The following GRM1 variants were observed in gnomAD, a reference collection of about 807,000 sequenced individuals.
GRM1 encodes the protein glutamate metabotropic receptor 1.
A neutral mutation model predicts 90.9 loss-of-function variants in GRM1; 33 were observed. That is an observed-to-expected ratio of 0.36 (90% CI 0.28 to 0.49). The LOEUF is 0.49. Among genes scored for constraint, GRM1 ranks in the 20% least tolerant of loss-of-function variants. The probability of loss-of-function intolerance (pLI) is 0.99; values close to 1 mark genes in which losing one functional copy is unlikely to be tolerated. For missense variants in GRM1, 1,190 were observed against 1,534.3 expected, an observed-to-expected ratio of 0.78 and a Z score of 3.75; for synonymous variants, 700 against 613.2, an observed-to-expected ratio of 1.14 and a Z score of -2.09.
chr6:146,193,687 T>C (rs1172941528), intron 2 of GRM1, among the ~76,000 whole-genome samples: 1 of 152,194 alleles, frequency 6.6e-6, no homozygotes, highest in Non-Finnish European at 1.5e-5. Context: ...TTTTTTGTTC[T>C]TACCTTTTTT....
At chr6:146,217,864 T>C (rs992189329) in intron 2 of GRM1, among the ~76,000 whole-genome samples, 1 of 152,180 alleles carries the variant, frequency 6.6e-6, no homozygotes, top group African/African-American at 2.4e-5. Context: ...CTTTAGAGGC[T>C]TATCTTGAAG....
At chr6:146,171,753 A>G in intron 2 of GRM1, 1 of 287,210 alleles carries the variant, frequency 3.5e-6, no homozygotes, top group Non-Finnish European at 7.3e-6. Flanking sequence ...ACTAAGGTCA[A>G]GAGCAAAGCT....
In GRM1 at chr6:146,433,878, T is replaced by C. The variant is rs1300963409; in HGVS notation, c.2667T>C (p.Asn889=). The change falls in exon 8 of 8, where the codon AAT becomes AAC. Residue 889 remains asparagine (N), a synonymous_variant. Transcript: ENST00000282753. ...KKAGAGNANS[N]GKSVSWSEPG... is the part of the protein sequence containing the mutation. ...ATCTCTATTTTATTCATAGTTCTAA[T>C]GGCAAGTCTGTGTCATGGTCTGAAC... 1.9e-6 allele frequency: 3 copies of C among 1,606,444 alleles called. No homozygotes were observed. Among genetic ancestry groups the C allele is most frequent in the Non-Finnish European group, 2.6e-6 (3 of 1,173,084 alleles).
At chr6:146,405,351 A>T (rs1777308646) in intron 7 of GRM1, among the ~76,000 whole-genome samples, 1 of 152,220 alleles carries the variant, frequency 6.6e-6, no homozygotes, top group Non-Finnish European at 1.5e-5. Flanking sequence ...CACTTAAGAG[A>T]TAACATAAGG....
chr6:146,039,642 AT>A (rs1184680515), intron 1 of GRM1, among the ~76,000 whole-genome samples: 2 of 152,022 alleles, frequency 1.3e-5, no homozygotes, highest in African/African-American at 2.4e-5. Context: ...TCTGAAGGCC[AT>A]TGATGGTTGA....
chr6:146,090,060 CTTTG>C (rs1375971256), intron 1 of GRM1, among the ~76,000 whole-genome samples: 3 of 151,968 alleles, frequency 2.0e-5, no homozygotes, highest in Admixed American at 6.6e-5. Context: ...TTTCTGTTGA[CTTTG>C]TTTATGAAAA....
At chr6:146,075,789 G>A (rs1291706002) in intron 1 of GRM1, among the ~76,000 whole-genome samples, 1 of 152,116 alleles carries the variant, frequency 6.6e-6, no homozygotes. Flanking sequence ...ACATTCCTTG[G>A]CTTGTAGCTG....
intron 1 of GRM1, among the ~76,000 whole-genome samples, chr6:146,087,600 C>T (rs573206635): frequency 6.6e-6 from 1 of 152,290 alleles, no homozygotes; most frequent in South Asian, 2.1e-4. Context: ...ACTCTCCACG[C>T]TTACCTCATC....
intron 3 of GRM1, among the ~76,000 whole-genome samples, chr6:146,328,571 T>G (rs1369739953): frequency 6.6e-6 from 1 of 152,218 alleles, no homozygotes; most frequent in Non-Finnish European, 1.5e-5. Context: ...ATCTTAACTA[T>G]ACTCTTTACC....
At chr6:146,034,284 T>C (rs1376467762) in intron 1 of GRM1, among the ~76,000 whole-genome samples, 1 of 152,058 alleles carries the variant, frequency 6.6e-6, no homozygotes, top group Non-Finnish European at 1.5e-5. Context: ...TTCTTTTCCA[T>C]GTGACATTTA....
intron 1 of GRM1, among the ~76,000 whole-genome samples, chr6:146,063,012 T>A (rs553953764): frequency 3.5e-4 from 53 of 152,306 alleles, no homozygotes; most frequent in African/African-American, 1.3e-3. Context: ...TCCTTCGCAT[T>A]CATCTTTGAG....
intron 2 of GRM1, among the ~76,000 whole-genome samples, chr6:146,233,118 T>C (rs1022788319): frequency 6.6e-6 from 1 of 152,270 alleles, no homozygotes; most frequent in East Asian, 1.9e-4. Context: ...CATTGACTTC[T>C]GATTTTATCT....
intron 3 of GRM1, among the ~76,000 whole-genome samples, chr6:146,349,532 G>A (rs1308564754): frequency 6.6e-6 from 1 of 152,014 alleles, no homozygotes; most frequent in East Asian, 1.9e-4. Flanking sequence ...ACATGATACT[G>A]TCTCAACATA....
At chr6:146,066,675 T>C (rs147207033) in intron 1 of GRM1, among the ~76,000 whole-genome samples, 295 of 152,236 alleles carry the variant, frequency 1.9e-3, no homozygotes, top group African/African-American at 6.0e-3. Context: ...CCACCAACAG[T>C]GTAAATGTGC....
chr6:146,347,057 G>A (rs918381286), intron 3 of GRM1, among the ~76,000 whole-genome samples: 1 of 152,172 alleles, frequency 6.6e-6, no homozygotes, highest in African/African-American at 2.4e-5. Context: ...TAGTGATGGG[G>A]TTGCATTAAT....
At chr6:146,280,582 T>C (rs1782530882) in intron 2 of GRM1, among the ~76,000 whole-genome samples, 1 of 152,144 alleles carries the variant, frequency 6.6e-6, no homozygotes, top group Non-Finnish European at 1.5e-5. Flanking sequence ...CATAATGGAT[T>C]GTATCCCCTT....
At chr6:146,316,277 C>T (rs185754036) in intron 3 of GRM1, among the ~76,000 whole-genome samples, 2 of 152,208 alleles carry the variant, frequency 1.3e-5, no homozygotes, top group African/African-American at 4.8e-5. Context: ...TCAACCACAC[C>T]TCTCTCTGGA....
chr6:146,402,909 C>T (rs1469763627), intron 7 of GRM1, among the ~76,000 whole-genome samples: 2 of 152,066 alleles, frequency 1.3e-5, no homozygotes, highest in East Asian at 1.9e-4. Flanking sequence ...AATCAATATA[C>T]TGGGTGTTTG....
chr6:146,252,836 C>A (rs1293325657), intron 2 of GRM1, among the ~76,000 whole-genome samples: 3 of 151,824 alleles, frequency 2.0e-5, no homozygotes, highest in Non-Finnish European at 4.4e-5. Context: ...CCGAGGCAGG[C>A]AGATCATGAG....
Sources: allele counts gnomAD v4.1 joint callset (sites outside exome capture counted in the v4.1 genomes callset), GRCh38; gene constraint gnomAD v4.1.1; transcripts MANE v1.5; gene names NCBI Gene and HGNC (gene_info 2026-07-23, HGNC 2026-07-21).